The following KCNT1 variants were observed in gnomAD, a reference collection of about 807,000 sequenced individuals.
KCNT1 encodes the protein potassium sodium-activated channel subfamily T member 1, also known as potassium channel subfamily T member 1.
KCNT1 carries 78 observed loss-of-function variants against 147.8 expected under a neutral mutation model. The ratio of observed to expected loss-of-function variants is 0.53; its 90% CI spans 0.44 to 0.64. The LOEUF (loss-of-function observed/expected upper bound fraction) is 0.64. Ranked by LOEUF, KCNT1 falls within the 30% of genes least tolerant of loss-of-function variation. The probability of loss-of-function intolerance (pLI) is 0.00; values close to 1 mark genes in which losing one functional copy is unlikely to be tolerated. For synonymous variants in KCNT1, 867 were observed against 748.8 expected (o/e 1.16, Z -2.58); for missense variants, 1,419 against 1,750.3 (o/e 0.81, Z 3.38).
At chr9:135,728,644 C>G (rs1036630885) in intron 2 of KCNT1, among the ~76,000 whole-genome samples, 1 of 152,212 alleles carries the variant, frequency 6.6e-6, no homozygotes, top group Non-Finnish European at 1.5e-5. Context: ...GAGTGAGGGC[C>G]GCAGCCACGG....
intron 29 of KCNT1, chr9:135,791,431 C>T (rs1401460460): frequency 5.8e-5 from 15 of 259,468 alleles, no homozygotes; most frequent in Non-Finnish European, 1.0e-4. Context: ...GTGAGGTGAA[C>T]AGACACGTCC....
At chr9:135,754,050 G>T (rs555095015) in intron 5 of KCNT1, 57 bp downstream of exon 5, 7 of 1,503,346 alleles carry the variant, frequency 4.7e-6, no homozygotes, top group Non-Finnish European at 6.5e-6. Flanking sequence ...GGACCAGGGT[G>T]GGGTGGGATG....
At chr9:135,721,027 G>T (rs1005081487) in intron 2 of KCNT1, among the ~76,000 whole-genome samples, 1 of 152,230 alleles carries the variant, frequency 6.6e-6, no homozygotes, top group Admixed American at 6.5e-5. Flanking sequence ...GGCAGTGGTG[G>T]TTTAGGGGCC....
In KCNT1 at chr9:135,765,147, C is replaced by T. The variant is rs763854215; in HGVS notation, c.1152C>T (p.Asp384=). The change falls in exon 12 of 31, where the codon GAC becomes GAT. Residue 384 remains aspartate (D), a synonymous_variant. Coordinates refer to ENST00000371757, the MANE Select transcript of KCNT1 (RefSeq NM_020822.3). ...TGTGTGTCAGCTCCCTCAAGATCGA[C>T]CTTCTCATGGACTTCCTGAACGAGT... ...VVLCVSSLKI[D]LLMDFLNEFY... is the part of the protein sequence containing the mutation. The T allele has an allele frequency of 1.8e-5, 29 of 1,613,526 alleles. No individual in the cohort carries two copies. In the Middle Eastern group the frequency reaches 5.0e-4, roughly 28 times the overall value.
In KCNT1 at chr9:135,770,637, C is replaced by T. The variant is rs557011018; in HGVS notation, c.1769+190C>T. On this transcript the variant is annotated intron_variant, in intron 17 of 30. Transcript: ENST00000371757. ...GCTCCGGGTCCACATAAAAACCTGC[C>T]ACGCGGCTCCTCCCTGAGGCTTGTG... Among the ~76,000 whole-genome samples, 44 of 152,346 alleles carry T rather than the reference C, an allele frequency of 2.9e-4. No individual in the cohort carries two copies. The South Asian group carries it at 7.9e-3, about 27-fold the overall frequency.
At chr9:135,740,934 C>T (rs1424109292) in intron 2 of KCNT1, among the ~76,000 whole-genome samples, 2 of 141,200 alleles carry the variant, frequency 1.4e-5, no homozygotes, top group African/African-American at 2.5e-5. Context: ...CCCTGCAGTT[C>T]ACTTGGCAGG....
Position 135,714,544 on chromosome 9 carries a change from C to T in KCNT1, c.111-33C>T, listed in dbSNP as rs1835640129. On this transcript the variant is annotated intron_variant, in intron 1 of 30. Coordinates refer to ENST00000371757, the MANE Select transcript of KCNT1 (RefSeq NM_020822.3). The surrounding 1 kb of genome is among the most constrained non-coding windows in gnomAD (Gnocchi z 6.2). The stretch of plus-strand genomic sequence containing the variant: ...TGCGCGCGTCCGCGAGGGCGCCCGA[C>T]GCGGGCTGAGGGGCGCTGGCGTGTG... 9.4e-6 allele frequency: 10 copies of T among 1,065,984 alleles called. No individual in the cohort carries two copies. The highest frequency in any genetic ancestry group is 1.1e-5 in the Non-Finnish European group (10 of 882,328). The allele number at this position is 1,065,984 out of a possible 1,614,324, so 66.0% of individuals were successfully genotyped here.
intron 11 of KCNT1, among the ~76,000 whole-genome samples, chr9:135,763,164 C>G (rs1213469600): frequency 6.6e-6 from 1 of 152,214 alleles, no homozygotes; most frequent in East Asian, 1.9e-4. Context: ...TGGGCCTGTG[C>G]TGTCCCTGGC....
chr9:135,791,701 T>G, intron 29 of KCNT1, 96 bp from the exon 30 acceptor site: 1 of 1,054,894 alleles, frequency 9.5e-7, no homozygotes, highest in Non-Finnish European at 1.4e-6. Flanking sequence ...CCGGAAAGAC[T>G]CAGCTCATCC....
At chr9:135,773,002 T>G in intron 19 of KCNT1, 53 bp downstream of exon 19, 2 of 1,276,816 alleles carry the variant, frequency 1.6e-6, no homozygotes, top group Non-Finnish European at 2.1e-6. Context: ...CGCCCATGAG[T>G]GCGGGGGATG....
chr9:135,721,907 T>A (rs1564319681), intron 2 of KCNT1, among the ~76,000 whole-genome samples: 1 of 152,296 alleles, frequency 6.6e-6, no homozygotes, highest in East Asian at 1.9e-4. Flanking sequence ...AGGTGACGCC[T>A]CTGCTGTGGA....
At chr9:135,738,857 G>A (rs1312928381) in intron 2 of KCNT1, among the ~76,000 whole-genome samples, 2 of 152,172 alleles carry the variant, frequency 1.3e-5, no homozygotes, top group Non-Finnish European at 2.9e-5. Context: ...AGGCTGGGGA[G>A]GGATTGGGAG....
At chr9:135,709,805 C>T (rs577598312) in intron 1 of KCNT1, among the ~76,000 whole-genome samples, 3 of 152,262 alleles carry the variant, frequency 2.0e-5, no homozygotes, top group East Asian at 1.9e-4. Context: ...CTCAGCCTCC[C>T]GAGTAGCTGG....
chr9:135,750,861 C>T, intron 3 of KCNT1, 81 bp from the exon 4 acceptor site: 3 of 1,316,700 alleles, frequency 2.3e-6, no homozygotes, highest in Non-Finnish European at 3.3e-6. Flanking sequence ...ATCCAGAGAG[C>T]CCAGCCAGAC....
chr9:135,768,184 C>T (rs1279916290), intron 13 of KCNT1, among the ~76,000 whole-genome samples: 1 of 139,500 alleles, frequency 7.2e-6, no homozygotes, highest in Non-Finnish European at 1.5e-5. Context: ...AGTCCTGACC[C>T]GGCTCAGAGC....
intron 1 of KCNT1, among the ~76,000 whole-genome samples, chr9:135,711,482 G>T (rs1835484787): frequency 6.6e-6 from 1 of 152,222 alleles, no homozygotes; most frequent in South Asian, 2.1e-4. Flanking sequence ...GATGGAGACT[G>T]GCTTCTGAGA....
chr9:135,752,107 C>T lies in KCNT1; in HGVS notation c.434+1066C>T, dbSNP rs1165530256. 1 of 301,862 alleles carries T rather than the reference C, an allele frequency of 3.3e-6. No homozygotes were observed. Among genetic ancestry groups the T allele is most frequent in the East Asian group, 9.0e-5 (1 of 11,142 alleles). The allele number at this position is 301,862 out of a possible 1,614,324, so 18.7% of individuals were successfully genotyped here. On this transcript the variant is annotated intron_variant, in intron 4 of 30. Transcript: ENST00000371757. This position sits in a 1 kb window ranked among gnomAD's most constrained non-coding sequence, Gnocchi z 5.1. The stretch of plus-strand genomic sequence containing the variant: ...GTAAGAGTGCTCAGGCGCTGAGGGG[C>T]TCTGCAGCCACGTGTGTGGTGTGGT...
At chr9:135,770,529 G>A in intron 17 of KCNT1, 82 bp downstream of exon 17, 1 of 1,512,556 alleles carries the variant, frequency 6.6e-7, no homozygotes. Flanking sequence ...GTCAGGCACA[G>A]GGGTGGCCCT....
Position 135,791,611 on chromosome 9 carries a change from A to C in KCNT1, c.3503-186A>C, listed in dbSNP as rs1834533481. 3 of 588,970 alleles carry C rather than the reference A, an allele frequency of 5.1e-6. No individual in the cohort carries two copies. The Admixed American group carries it at 8.5e-5, about 17-fold the overall frequency. The allele number at this position is 588,970 out of a possible 1,614,324, so 36.5% of individuals were successfully genotyped here. A position where few individuals can be genotyped will look rare whatever the true frequency, so the allele number is the denominator to read the frequency against. On this transcript the variant is annotated intron_variant, in intron 29 of 30. Coordinates refer to ENST00000371757, the MANE Select transcript of KCNT1 (RefSeq NM_020822.3). ...CCTGGCTGTCCCCTGCCCTGTGTGG[A>C]GATGGGACAGGTGTCGGTCAGGGAT...
Sources: allele counts gnomAD v4.1 joint callset (sites outside exome capture counted in the v4.1 genomes callset), GRCh38; gene constraint gnomAD v4.1.1; non-coding constraint Gnocchi (gnomAD v3.1); transcripts MANE v1.5; gene names NCBI Gene and HGNC (gene_info 2026-07-23, HGNC 2026-07-21).